The following DSCAML1 variants were observed in gnomAD, a reference collection of about 807,000 sequenced individuals.
DSCAML1 encodes the protein cell adhesion molecule DSCAML1.
A neutral mutation model predicts 200.5 loss-of-function variants in DSCAML1; 38 were observed. The observed-to-expected ratio is 0.19, with a 90% CI of 0.15 to 0.25. The LOEUF (loss-of-function observed/expected upper bound fraction) is 0.25, where lower values mean the gene tolerates loss of function less well. Ranked by LOEUF, DSCAML1 falls within the 10% of genes least tolerant of loss-of-function variation. The pLI, the probability that DSCAML1 is intolerant of heterozygous loss-of-function variation, is 1.00. For synonymous variants in DSCAML1, 1,215 were observed against 1,165.0 expected (o/e 1.04, Z -0.87); for missense variants, 2,223 against 2,858.8 (o/e 0.78, Z 5.07).
In DSCAML1 at chr11:117,430,961, T is replaced by G; in HGVS notation, c.5447A>C (p.Glu1816Ala). 1 of 1,614,122 alleles carries G rather than the reference T, an allele frequency of 6.2e-7. No individual in the cohort carries two copies. The highest frequency in any genetic ancestry group is 8.5e-7 in the Non-Finnish European group (1 of 1,180,012). Residue 1816 changes from glutamate to alanine, a missense_variant, in exon 32 of 33, where the codon GAG becomes GCG. This residue lies in a region of DSCAML1 where 96 missense variants were observed against 160.7 expected (regional missense o/e 0.60). Coordinates refer to ENST00000651296, the MANE Select transcript of DSCAML1 (RefSeq NM_020693.4). ...CAGCTGCTCCTCCAGCTTGGCATGC[T>G]CATAGGCCCGGGCCAGCTCCTCGTA... ...STYEELARAY[E>A]HAKLEEQLQH... is the part of the protein sequence containing the mutation.
At chr11:117,777,462 G>A (rs1015467633) in intron 2 of DSCAML1, among the ~76,000 whole-genome samples, 1 of 152,168 alleles carries the variant, frequency 6.6e-6, no homozygotes, top group African/African-American at 2.4e-5. Flanking sequence ...TCTAACAATT[G>A]AGTTTTGGGC....
chr11:117,482,409 T>G (rs1392401193), intron 11 of DSCAML1, among the ~76,000 whole-genome samples: 1 of 152,174 alleles, frequency 6.6e-6, no homozygotes, highest in Non-Finnish European at 1.5e-5. Flanking sequence ...TCAGAATGCT[T>G]TTACAGGTAT....
chr11:117,478,024 G>A (rs926340916), intron 14 of DSCAML1, among the ~76,000 whole-genome samples: 1 of 152,230 alleles, frequency 6.6e-6, no homozygotes. Flanking sequence ...ATTCCTAGCT[G>A]GGGTGGTCTA....
intron 3 of DSCAML1, among the ~76,000 whole-genome samples, chr11:117,587,733 C>T (rs1328975504): frequency 2.6e-5 from 4 of 152,288 alleles, no homozygotes; most frequent in South Asian, 2.1e-4. Context: ...GAAATACTTA[C>T]AAATCCCTTG....
Position 117,713,809 on chromosome 11 carries a change from G to C in DSCAML1, c.511+62982C>G, listed in dbSNP as rs371746080. Among the ~76,000 whole-genome samples the C allele has an allele frequency of 7.3e-3, 1,106 of 152,246 alleles. 7 individuals are homozygous for C. Among genetic ancestry groups the C allele is most frequent in the South Asian group, 0.029 (142 of 4,818 alleles). The stretch of plus-strand genomic sequence containing the variant: ...TGTGGCTGTGTGGAGGTGGTGGTGG[G>C]TGGTGGGCAGTGGTGGTGGAATTAC... On this transcript the variant is annotated intron_variant, in intron 3 of 32. Coordinates refer to ENST00000651296, the MANE Select transcript of DSCAML1 (RefSeq NM_020693.4).
chr11:117,592,068 G>A (rs2051269147), intron 3 of DSCAML1, among the ~76,000 whole-genome samples: 1 of 152,174 alleles, frequency 6.6e-6, no homozygotes, highest in African/African-American at 2.4e-5. Flanking sequence ...GGAGGGTGAG[G>A]AGCAGGAGAA....
At chr11:117,736,885 T>C (rs1830536344) in intron 3 of DSCAML1, among the ~76,000 whole-genome samples, 1 of 152,244 alleles carries the variant, frequency 6.6e-6, no homozygotes, top group African/African-American at 2.4e-5. Flanking sequence ...TCACTAGCTG[T>C]TGCAATGTGG....
intron 3 of DSCAML1, among the ~76,000 whole-genome samples, chr11:117,651,487 C>T (rs894924503): frequency 3.3e-5 from 5 of 151,676 alleles, no homozygotes; most frequent in Non-Finnish European, 5.9e-5. Context: ...GGGCAGATCA[C>T]GAGGTCAGGA....
chr11:117,515,610 CT>C (rs56765238), intron 8 of DSCAML1, among the ~76,000 whole-genome samples: 54 of 65,132 alleles, frequency 8.3e-4, no homozygotes, highest in African/African-American at 2.3e-3. Flanking sequence ...AGGGACGAAG[CT>C]TTTTTTTTTT....
chr11:117,661,499 T>C (rs2052850079), intron 3 of DSCAML1, among the ~76,000 whole-genome samples: 1 of 152,170 alleles, frequency 6.6e-6, no homozygotes, highest in South Asian at 2.1e-4. Context: ...TCAAGTTACA[T>C]TTGCAAGGTC....
At chr11:117,555,691 C>T (rs2050547082) in intron 3 of DSCAML1, among the ~76,000 whole-genome samples, 1 of 152,136 alleles carries the variant, frequency 6.6e-6, no homozygotes. Flanking sequence ...ATGAATTAGA[C>T]ACCACAGGGC....
rs1394719476 is a variant in DSCAML1 at position 117,449,003 on chromosome 11, C to T, written c.3708+1546G>A. On this transcript the variant is annotated intron_variant, in intron 20 of 32. Coordinates refer to ENST00000651296, the MANE Select transcript of DSCAML1 (RefSeq NM_020693.4). ...ACGGCTAGCCCAATGGATTAATAATCATAACATATGCACACAAAAGCTATA... is the reference window on the plus strand; with the variant it reads ...ACGGCTAGCCCAATGGATTAATAATTATAACATATGCACACAAAAGCTATA... Among the ~76,000 whole-genome samples, 3 of 152,314 alleles carry T rather than the reference C, an allele frequency of 2.0e-5. No homozygotes were observed. The East Asian group carries it at 5.8e-4, about 29-fold the overall frequency.
chr11:117,680,214 A>G (rs2053288150), intron 3 of DSCAML1, among the ~76,000 whole-genome samples: 1 of 152,048 alleles, frequency 6.6e-6, no homozygotes, highest in Admixed American at 6.5e-5. Context: ...CATCATGCAA[A>G]TGGGACCCCC....
chr11:117,713,567 G>A (rs1283541447), intron 3 of DSCAML1, among the ~76,000 whole-genome samples: 1 of 152,060 alleles, frequency 6.6e-6, no homozygotes, highest in African/African-American at 2.4e-5. Flanking sequence ...GACACTCACC[G>A]TCCCCCTCCC....
At chr11:117,623,378 G>A (rs936718693) in intron 3 of DSCAML1, among the ~76,000 whole-genome samples, 1 of 152,022 alleles carries the variant, frequency 6.6e-6, no homozygotes, top group East Asian at 1.9e-4. Flanking sequence ...CATGACACCA[G>A]CTAATTTTTG....
intron 3 of DSCAML1, 150 bp downstream of exon 3, chr11:117,776,641 G>C: frequency 4.3e-6 from 4 of 940,364 alleles, no homozygotes; most frequent in Non-Finnish European, 3.1e-6. Flanking sequence ...TTTTTTTTTG[G>C]CCAAAGCTTC....
chr11:117,780,307 A>AAAGG lies in DSCAML1; in HGVS notation c.364+185_364+186insCCTT, dbSNP rs1246602626. On this transcript the variant is annotated intron_variant, in intron 2 of 32. Coordinates refer to ENST00000651296, the MANE Select transcript of DSCAML1 (RefSeq NM_020693.4). This position sits in a 1 kb window ranked among gnomAD's most constrained non-coding sequence, Gnocchi z 4.8. ...AAGAAAGAAAGAAAGAAAGAAAGAG[A>AAAGG]GAAAGGAGAAAGAAAGGTGTCTCTT... Among the ~76,000 whole-genome samples the AAAGG allele has an allele frequency of 2.0e-5, 3 of 151,108 alleles. No individual in the cohort carries two copies. Among genetic ancestry groups the AAAGG allele is most frequent in the South Asian group, 2.1e-4 (1 of 4,750 alleles).
chr11:117,606,597 T>C (rs1470438790), intron 3 of DSCAML1, among the ~76,000 whole-genome samples: 2 of 152,128 alleles, frequency 1.3e-5, no homozygotes, highest in Non-Finnish European at 2.9e-5. Flanking sequence ...CATCCATTTT[T>C]CAAAAAGGCA....
intron 3 of DSCAML1, among the ~76,000 whole-genome samples, chr11:117,707,260 G>A (rs1174401020): frequency 6.6e-6 from 1 of 152,206 alleles, no homozygotes; most frequent in East Asian, 1.9e-4. Flanking sequence ...TAAACTTCAA[G>A]TGATTAAATA....
Sources: allele counts gnomAD v4.1 joint callset (sites outside exome capture counted in the v4.1 genomes callset), GRCh38; gene constraint gnomAD v4.1.1; regional missense constraint gnomAD v4.1.1; non-coding constraint Gnocchi (gnomAD v3.1); transcripts MANE v1.5; gene names NCBI Gene and HGNC (gene_info 2026-07-23, HGNC 2026-07-21).